Variants in JARID2 observed in about 807,000 individuals in gnomAD.
The protein encoded by JARID2 is jumonji and AT-rich interaction domain containing 2, also known as protein Jumonji.
A neutral mutation model predicts 125.6 loss-of-function variants in JARID2; 21 were observed. That is an observed-to-expected ratio of 0.17 (90% CI 0.12 to 0.24). The LOEUF (loss-of-function observed/expected upper bound fraction) is 0.24, where lower values mean the gene tolerates loss of function less well. Ranked by LOEUF, JARID2 falls within the 10% of genes least tolerant of loss-of-function variation. The pLI is 1.00. For synonymous variants in JARID2, 736 were observed against 661.6 expected (o/e 1.11, Z -1.73); for missense variants, 1,303 against 1,639.6 (o/e 0.79, Z 3.55).
intron 1 of JARID2, among the ~76,000 whole-genome samples, chr6:15,282,708 T>C (rs913023246): frequency 1.3e-5 from 2 of 151,912 alleles, no homozygotes; most frequent in African/African-American, 4.8e-5. Flanking sequence ...GGGTTCCTAT[T>C]CTCCTGCCTC....
chr6:15,502,240 C>T (rs1770775210), intron 8 of JARID2, among the ~76,000 whole-genome samples: 1 of 152,238 alleles, frequency 6.6e-6, no homozygotes, highest in Non-Finnish European at 1.5e-5. Flanking sequence ...GGCAGCTCTC[C>T]CAGCTGTCCT....
At chr6:15,312,348 C>T (rs1292513904) in intron 1 of JARID2, among the ~76,000 whole-genome samples, 3 of 152,196 alleles carry the variant, frequency 2.0e-5, no homozygotes, top group Non-Finnish European at 2.9e-5. Context: ...CCACCATGCC[C>T]GGCCTCAGTT....
At chr6:15,472,118 G>A (rs768644131) in intron 5 of JARID2, among the ~76,000 whole-genome samples, 1 of 151,558 alleles carries the variant, frequency 6.6e-6, no homozygotes, top group Non-Finnish European at 1.5e-5. Context: ...GATGTCTCTC[G>A]GTGAGGGGCT....
At chr6:15,412,669 G>T (rs1278849622) in intron 3 of JARID2, among the ~76,000 whole-genome samples, 9 of 152,190 alleles carry the variant, frequency 5.9e-5, no homozygotes, top group Non-Finnish European at 1.2e-4. Flanking sequence ...AAAGTCTTAA[G>T]AACTCCTTTG....
chr6:15,341,387 G>T (rs1763066719), intron 1 of JARID2, among the ~76,000 whole-genome samples: 1 of 152,218 alleles, frequency 6.6e-6, no homozygotes, highest in South Asian at 2.1e-4. Context: ...TCTAGAAGCA[G>T]AGGGGCTTTC....
At chr6:15,248,864 C>A (rs1759314749) in intron 1 of JARID2, 2 of 861,282 alleles carry the variant, frequency 2.3e-6, no homozygotes, top group Non-Finnish European at 2.8e-6. Flanking sequence ...TGGGCGGGGG[C>A]GGGGGCTGCC....
At position 15,520,364 on chromosome 6, in the gene JARID2, T is replaced by A; in HGVS notation, c.*113T>A. On this transcript the variant is annotated 3_prime_UTR_variant, in exon 18 of 18. Coordinates refer to ENST00000341776, the MANE Select transcript of JARID2 (RefSeq NM_004973.4). ...TCTTTGCACTAGCTCTAAAGAAGAT[T>A]TTCTTCTGGTTTTAGAGAACTAATT... 1.3e-6 allele frequency: 1 copy of A among 794,678 alleles called. No homozygotes were observed. The highest frequency in any genetic ancestry group is 1.9e-6 in the Non-Finnish European group (1 of 539,400). 49.2% of individuals were successfully genotyped at this position (794,678 alleles called of 1,614,324 possible).
intron 2 of JARID2, among the ~76,000 whole-genome samples, chr6:15,377,221 C>G (rs1764388984): frequency 6.6e-6 from 1 of 152,144 alleles, no homozygotes; most frequent in Non-Finnish European, 1.5e-5. Flanking sequence ...ATTGGACTTA[C>G]AGTTCCTCAT....
intron 3 of JARID2, among the ~76,000 whole-genome samples, chr6:15,416,056 C>G (rs1412636907): frequency 6.6e-6 from 1 of 151,674 alleles, no homozygotes; most frequent in African/African-American, 2.4e-5. Flanking sequence ...GACGGGGCGG[C>G]GGGGCAGAGG....
At position 15,484,066 on chromosome 6, in the gene JARID2, A is replaced by G. The variant is rs945068757; in HGVS notation, c.671-3241A>G. Reference sequence around the variant, plus strand: ...TAAAGGCAAATAATGTCTTTGTATTATTATGAAATAGTTTCGACCCTAGCA... The same window carrying G: ...TAAAGGCAAATAATGTCTTTGTATTGTTATGAAATAGTTTCGACCCTAGCA... On this transcript the variant is annotated intron_variant, in intron 5 of 17. Transcript: ENST00000341776. Among the ~76,000 whole-genome samples, 3 of 152,328 alleles carry G rather than the reference A, an allele frequency of 2.0e-5. No individual in the cohort carries two copies. In the South Asian group the frequency reaches 6.2e-4, roughly 32 times the overall value.
chr6:15,441,769 T>G lies in JARID2; in HGVS notation c.324-10237T>G, dbSNP rs141873027. ...ATCTTAGAAGCATTCCACTGGATTT[T>G]CTTTATTTATTTATTTTTATTTTAT... is the stretch of plus-strand genomic sequence containing the variant. On this transcript the variant is annotated intron_variant, in intron 3 of 17. Transcript: ENST00000341776. Among the ~76,000 whole-genome samples, 301 of 152,256 alleles carry G rather than the reference T, an allele frequency of 2.0e-3. 1 individual carries two copies. Among genetic ancestry groups the G allele is most frequent in the African/African-American group, 6.5e-3 (271 of 41,560 alleles).
chr6:15,289,991 A>G (rs764384009), intron 1 of JARID2, among the ~76,000 whole-genome samples: 2 of 152,222 alleles, frequency 1.3e-5, no homozygotes, highest in Non-Finnish European at 2.9e-5. Context: ...TTCTCAGACA[A>G]ATTAGTGAGC....
At chr6:15,256,812 C>T (rs879913772) in intron 1 of JARID2, among the ~76,000 whole-genome samples, 9 of 152,188 alleles carry the variant, frequency 5.9e-5, no homozygotes, top group Non-Finnish European at 1.3e-4. Flanking sequence ...CCTATTAACC[C>T]CACAAGAGTA....
intron 2 of JARID2, among the ~76,000 whole-genome samples, chr6:15,389,247 G>A (rs997590102): frequency 6.6e-6 from 1 of 152,122 alleles, no homozygotes; most frequent in East Asian, 1.9e-4. Context: ...TGCAGCTTGC[G>A]TGCACCGCCC....
At position 15,299,130 on chromosome 6, in the gene JARID2, T is replaced by C. The variant is rs558151399; in HGVS notation, c.45+52546T>C. ...AAACCTGGCTATCTGTACCCGACAT[T>C]TGTCAAACTTCACTGACCCGTGAGC... is the stretch of plus-strand genomic sequence containing the variant. On this transcript the variant is annotated intron_variant, in intron 1 of 17. Coordinates refer to ENST00000341776, the MANE Select transcript of JARID2 (RefSeq NM_004973.4). Among the ~76,000 whole-genome samples, 5 of 152,212 alleles carry C rather than the reference T, an allele frequency of 3.3e-5. No individual in the cohort carries two copies. The South Asian group carries it at 1.0e-3, about 32-fold the overall frequency.
At chr6:15,400,893 C>T (rs1765404611) in intron 2 of JARID2, 4 of 1,282,132 alleles carry the variant, frequency 3.1e-6, no homozygotes, top group Non-Finnish European at 3.0e-6. Context: ...CGCTCTTCCT[C>T]CCTCCCTCCC....
At chr6:15,460,626 C>T (rs1466301771) in intron 4 of JARID2, among the ~76,000 whole-genome samples, 2 of 152,186 alleles carry the variant, frequency 1.3e-5, no homozygotes, top group Admixed American at 6.5e-5. Context: ...CTGAGGAAGG[C>T]CTCACATGAT....
chr6:15,331,656 G>T (rs1290842919), intron 1 of JARID2, among the ~76,000 whole-genome samples: 1 of 151,954 alleles, frequency 6.6e-6, no homozygotes, highest in Non-Finnish European at 1.5e-5. Flanking sequence ...ACCTGAGGTC[G>T]GGAGTTCGAG....
chr6:15,375,309 C>T (rs2127517707), intron 2 of JARID2, among the ~76,000 whole-genome samples: 1 of 152,318 alleles, frequency 6.6e-6, no homozygotes, highest in South Asian at 2.1e-4. Context: ...CTGTCTCCTT[C>T]CACTGTTGCG....
Sources: allele counts gnomAD v4.1 joint callset (sites outside exome capture counted in the v4.1 genomes callset), GRCh38; gene constraint gnomAD v4.1.1; transcripts MANE v1.5; gene names NCBI Gene and HGNC (gene_info 2026-07-23, HGNC 2026-07-21).